TRIO: variants seen among roughly 807,000 people sequenced by gnomAD.
The protein encoded by TRIO is trio Rho guanine nucleotide exchange factor, also known as triple functional domain protein.
TRIO carries 58 observed loss-of-function variants against 351.9 expected under a neutral mutation model. That is an observed-to-expected ratio of 0.16 (90% CI 0.13 to 0.21). The LOEUF is 0.21. Ranked by LOEUF, TRIO falls within the 10% of genes least tolerant of loss-of-function variation. The pLI is 1.00. For synonymous variants in TRIO, 1,758 were observed against 1,595.7 expected, an observed-to-expected ratio of 1.10 and a Z score of -2.42; for missense variants, 3,201 against 4,027.8, an observed-to-expected ratio of 0.79 and a Z score of 5.56.
At chr5:14,358,859 G>T (rs1743873022) in intron 12 of TRIO, among the ~76,000 whole-genome samples, 1 of 152,154 alleles carries the variant, frequency 6.6e-6, no homozygotes. Context: ...GGGTCAGGGG[G>T]ACCATTTAAC....
intron 34 of TRIO, among the ~76,000 whole-genome samples, chr5:14,436,699 G>A (rs1486382419): frequency 6.6e-6 from 1 of 152,120 alleles, no homozygotes; most frequent in Non-Finnish European, 1.5e-5. Flanking sequence ...AAAACAAAGG[G>A]GCTACAGACC....
intron 11 of TRIO, among the ~76,000 whole-genome samples, chr5:14,352,946 G>T (rs1743272540): frequency 6.6e-6 from 1 of 151,958 alleles, no homozygotes; most frequent in South Asian, 2.1e-4. Context: ...AAAGATTCAT[G>T]GCGCTTCCCC....
chr5:14,353,683 G>A (rs759918135), intron 11 of TRIO, among the ~76,000 whole-genome samples: 5 of 152,114 alleles, frequency 3.3e-5, no homozygotes, highest in Non-Finnish European at 7.4e-5. Context: ...GTGCTTGAAC[G>A]CAAGCAGTCT....
At chr5:14,312,584 A>G (rs1217844069) in intron 8 of TRIO, among the ~76,000 whole-genome samples, 2 of 152,206 alleles carry the variant, frequency 1.3e-5, no homozygotes, top group Non-Finnish European at 2.9e-5. Context: ...CCTGCTATTT[A>G]ATAAGGTTGA....
intron 18 of TRIO, among the ~76,000 whole-genome samples, chr5:14,373,692 C>T (rs993721399): frequency 6.6e-6 from 1 of 152,214 alleles, no homozygotes; most frequent in African/African-American, 2.4e-5. Flanking sequence ...AAGTTCTGAA[C>T]TGAGGGCTAA....
At chr5:14,491,953 G>A (rs1380512940) in intron 48 of TRIO, among the ~76,000 whole-genome samples, 5 of 152,188 alleles carry the variant, frequency 3.3e-5, no homozygotes, top group Non-Finnish European at 7.3e-5. Flanking sequence ...AGACAGAGTC[G>A]CTCTCCGTAT....
At chr5:14,460,922 C>G (rs1367596493) in intron 34 of TRIO, 97 bp from the exon 35 acceptor site, 8 of 1,394,346 alleles carry the variant, frequency 5.7e-6, no homozygotes, top group South Asian at 3.2e-5. Context: ...GGCATCCAGG[C>G]CCACTGGCTT....
intron 1 of TRIO, among the ~76,000 whole-genome samples, chr5:14,259,268 C>T (rs1795206882): frequency 6.6e-6 from 1 of 152,106 alleles, no homozygotes; most frequent in African/African-American, 2.4e-5. Flanking sequence ...GTTTTCCCAT[C>T]AGTATATTTA....
rs1787311304 is a variant in TRIO at position 14,143,678 on chromosome 5, A to AGGGGCGC, written c.-42_-36dup. On this transcript the variant is annotated 5_prime_UTR_variant, in exon 1 of 57. Transcript: ENST00000344204. ...CGCGGAGCGGGCGGCACGCGGCGCT[A>AGGGGCGC]GGGGCGCGGGGCCCGAGGCGGGCGC... The AGGGGCGC allele has an allele frequency of 2.1e-6, 2 of 940,146 alleles. No individual in the cohort carries two copies. Among genetic ancestry groups the AGGGGCGC allele is most frequent in the Non-Finnish European group, 2.5e-6 (2 of 793,046 alleles). The allele number at this position is 940,146 out of a possible 1,614,324, so 58.2% of individuals were successfully genotyped here.
intron 34 of TRIO, among the ~76,000 whole-genome samples, chr5:14,426,250 G>A (rs1396275573): frequency 1.3e-5 from 2 of 151,944 alleles, no homozygotes; most frequent in South Asian, 4.2e-4. Flanking sequence ...GCACACACAC[G>A]CACACCTATA....
chr5:14,301,674 G>A (rs1561311744), intron 7 of TRIO, among the ~76,000 whole-genome samples: 1 of 152,200 alleles, frequency 6.6e-6, no homozygotes, highest in Non-Finnish European at 1.5e-5. Flanking sequence ...GTTCTGTTAT[G>A]AAGGTACCTG....
chr5:14,270,695 A>G, intron 1 of TRIO, 130 bp from the exon 2 acceptor site: 1 of 699,230 alleles, frequency 1.4e-6, no homozygotes, highest in Non-Finnish European at 2.5e-6. Context: ...ATGTTGTGCT[A>G]TGATCATGTT....
intron 1 of TRIO, among the ~76,000 whole-genome samples, chr5:14,227,491 T>C (rs1793124568): frequency 6.6e-6 from 1 of 152,202 alleles, no homozygotes; most frequent in African/African-American, 2.4e-5. Flanking sequence ...CATACTCCAG[T>C]TTTTTATTTA....
At chr5:14,361,408 C>T (rs1422591777) in intron 13 of TRIO, among the ~76,000 whole-genome samples, 1 of 152,190 alleles carries the variant, frequency 6.6e-6, no homozygotes, top group Non-Finnish European at 1.5e-5. Context: ...GAAGCTGTAC[C>T]TGCAGCCCAG....
At chr5:14,304,203 A>G (rs753246832) in intron 7 of TRIO, among the ~76,000 whole-genome samples, 3 of 152,124 alleles carry the variant, frequency 2.0e-5, no homozygotes, top group Non-Finnish European at 2.9e-5. Flanking sequence ...GCACACCCAG[A>G]CCTGGGCAGC....
Position 14,359,492 on chromosome 5 carries a change from C to A in TRIO, c.2352C>A (p.Leu784=). 2 of 1,614,276 alleles carry A rather than the reference C, an allele frequency of 1.2e-6. No individual in the cohort carries two copies. The highest frequency in any genetic ancestry group is 1.7e-6 in the Non-Finnish European group (2 of 1,180,040). Residue 784 remains leucine (L), a synonymous_variant, in exon 13 of 57, where the codon CTC becomes CTA. Coordinates refer to ENST00000344204, the MANE Select transcript of TRIO (RefSeq NM_007118.4). ...LFQERKIKLE[L]FLQLRIFERD... ...AGGAGCGCAAGATCAAGCTGGAGCTCTTCCTGCAGCTGCGCATCTTCGAGA... is the reference window on the plus strand; with the variant it reads ...AGGAGCGCAAGATCAAGCTGGAGCTATTCCTGCAGCTGCGCATCTTCGAGA...
rs534589553 is a variant in TRIO at position 14,214,286 on chromosome 5, C to T, written c.158-56539C>T. Among the ~76,000 whole-genome samples, 7 of 152,298 alleles carry T rather than the reference C, an allele frequency of 4.6e-5. No individual in the cohort carries two copies. In the East Asian group the frequency reaches 1.2e-3, roughly 25 times the overall value. On this transcript the variant is annotated intron_variant, in intron 1 of 56. Coordinates refer to ENST00000344204, the MANE Select transcript of TRIO (RefSeq NM_007118.4). Reference sequence around the variant, plus strand: ...GGTGTTCATGGTTAGAGACAGAGCCCTTCAGGCCCCAAGGAAGGGTATGCC... The same window carrying T: ...GGTGTTCATGGTTAGAGACAGAGCCTTTCAGGCCCCAAGGAAGGGTATGCC...
intron 15 of TRIO, among the ~76,000 whole-genome samples, chr5:14,366,655 A>C (rs1270323491): frequency 6.6e-6 from 1 of 152,208 alleles, no homozygotes; most frequent in Non-Finnish European, 1.5e-5. Context: ...AAATAACAGA[A>C]CTAATTAAAA....
intron 1 of TRIO, among the ~76,000 whole-genome samples, chr5:14,180,310 A>G (rs1371528850): frequency 6.6e-6 from 1 of 152,122 alleles, no homozygotes; most frequent in African/African-American, 2.4e-5. Context: ...TGGATTAAAA[A>G]AGATTATTTT....
Sources: allele counts gnomAD v4.1 joint callset (sites outside exome capture counted in the v4.1 genomes callset), GRCh38; gene constraint gnomAD v4.1.1; transcripts MANE v1.5; gene names NCBI Gene and HGNC (gene_info 2026-07-23, HGNC 2026-07-21).